Variants in DPP6 observed in about 807,000 individuals in gnomAD.
DPP6 encodes the protein dipeptidyl peptidase like 6.
A neutral mutation model predicts 122.6 loss-of-function variants in DPP6; 69 were observed. The ratio of observed to expected loss-of-function variants is 0.56; its 90% CI spans 0.46 to 0.69. The LOEUF (loss-of-function observed/expected upper bound fraction) is 0.69. DPP6 is among the 30% of genes least tolerant of loss of function. The pLI is 0.00. For missense variants in DPP6, 928 were observed against 1,116.9 expected, an observed-to-expected ratio of 0.83 and a Z score of 2.41; for synonymous variants, 418 against 433.1, an observed-to-expected ratio of 0.97 and a Z score of 0.43.
intron 1 of DPP6, among the ~76,000 whole-genome samples, chr7:153,953,771 C>T (rs1285683871): frequency 2.6e-5 from 4 of 151,958 alleles, no homozygotes; most frequent in Admixed American, 6.5e-5. Flanking sequence ...TGCACGTAGA[C>T]ACACACATAC....
At chr7:154,872,599 C>T (rs775886609) in intron 18 of DPP6, 25 bp from the exon 19 acceptor site, 7 of 1,582,878 alleles carry the variant, frequency 4.4e-6, no homozygotes, top group African/African-American at 1.3e-5. Flanking sequence ...CCCCCTAACC[C>T]GTGCTGTGCT....
chr7:153,931,345 A>G (rs916751000), intron 1 of DPP6, among the ~76,000 whole-genome samples: 5 of 152,198 alleles, frequency 3.3e-5, no homozygotes, highest in Admixed American at 2.6e-4. Flanking sequence ...AAAAAAGGAT[A>G]ACATTCATCA....
intron 6 of DPP6, among the ~76,000 whole-genome samples, chr7:154,668,220 A>ATATATATATATATATATATATATATAT (rs59348250): frequency 0.016 from 407 of 24,882 alleles, 35 homozygotes; most frequent in Non-Finnish European, 0.037. Context: ...TATATATATA[A>ATATATATATATATATATATATATATAT]TATACACATT....
At chr7:154,809,448 C>T (rs4960552) in intron 16 of DPP6, among the ~76,000 whole-genome samples, 123,641 of 152,050 alleles carry the variant, frequency 0.81, 50,364 homozygotes, top group Non-Finnish European at 0.85. Context: ...CAGCCATGAG[C>T]GGGTTTCATC....
intron 1 of DPP6, among the ~76,000 whole-genome samples, chr7:154,281,285 T>C (rs1804495992): frequency 6.6e-6 from 1 of 152,096 alleles, no homozygotes; most frequent in South Asian, 2.1e-4. Flanking sequence ...AATGCCAGGA[T>C]TACAGGCATA....
chr7:154,494,008 GTGGAAAGCTCA>G (rs1182090465), intron 3 of DPP6, among the ~76,000 whole-genome samples: 1 of 152,184 alleles, frequency 6.6e-6, no homozygotes, highest in Admixed American at 6.5e-5. Context: ...TAGATGGAAA[GTGGAAAGCTCA>G]TGGAAACTAG....
At chr7:154,860,954 CA>C (rs1803336445) in intron 17 of DPP6, among the ~76,000 whole-genome samples, 1 of 147,602 alleles carries the variant, frequency 6.8e-6, no homozygotes, top group South Asian at 2.1e-4. Context: ...GGGGCAGAAC[CA>C]AAAAGACTAA....
chr7:153,785,779 A>T, the DPP6 span, among the ~76,000 whole-genome samples: 1 of 152,188 alleles, frequency 6.6e-6, no homozygotes, highest in African/African-American at 2.4e-5. Flanking sequence ...CAGCCTCCCT[A>T]GTACCTGGGA....
chr7:153,782,470 G>A, the DPP6 span, among the ~76,000 whole-genome samples: 1 of 152,184 alleles, frequency 6.6e-6, no homozygotes, highest in African/African-American at 2.4e-5. Context: ...CAGCGGCCTT[G>A]AACAAAACAT....
chr7:154,863,659 A>T lies in DPP6; in HGVS notation c.1715-4336A>T. 6.6e-6 allele frequency among the ~76,000 whole-genome samples: 1 copy of T among 152,066 alleles called. No homozygotes were observed. Among genetic ancestry groups the T allele is most frequent in the East Asian group, 1.9e-4 (1 of 5,154 alleles). ...ATGAGACCCTACCTCTGCAAAAATT[A>T]CAAAATTTAGCCGGGCATGGTGGTG... On this transcript the variant is annotated intron_variant, in intron 17 of 25. Transcript: ENST00000377770. The surrounding 1 kb of genome is among the most constrained non-coding windows in gnomAD (Gnocchi z 4.1).
chr7:154,638,765 G>A (rs138029393), intron 6 of DPP6, among the ~76,000 whole-genome samples: 152 of 152,240 alleles, frequency 1.0e-3, no homozygotes, highest in African/African-American at 3.2e-3. Context: ...AAAGTCTGTC[G>A]AGGAGAATTT....
intron 1 of DPP6, among the ~76,000 whole-genome samples, chr7:154,031,465 A>C (rs933418068): frequency 6.6e-6 from 1 of 151,978 alleles, no homozygotes; most frequent in African/African-American, 2.4e-5. Context: ...CAAAATACAC[A>C]GTAGTTTTGG....
At chr7:154,262,997 GA>G (rs746317438) in intron 1 of DPP6, among the ~76,000 whole-genome samples, 54 of 152,198 alleles carry the variant, frequency 3.5e-4, no homozygotes, top group Non-Finnish European at 6.8e-4. Context: ...CAATGAAAAG[GA>G]AATATAGCTA....
At chr7:154,062,646 G>T (rs1253083742) in intron 1 of DPP6, among the ~76,000 whole-genome samples, 1 of 53,550 alleles carries the variant, frequency 1.9e-5, no homozygotes, top group Admixed American at 1.7e-4. Context: ...CCCCATCGCA[G>T]GAGGGGGAGG....
At chr7:154,134,587 G>A (rs1795448193) in intron 1 of DPP6, among the ~76,000 whole-genome samples, 1 of 152,196 alleles carries the variant, frequency 6.6e-6, no homozygotes, top group South Asian at 2.1e-4. Context: ...CAAATGGTGT[G>A]TGGATCTAAT....
intron 1 of DPP6, among the ~76,000 whole-genome samples, chr7:153,907,607 C>T (rs1396712371): frequency 6.6e-6 from 1 of 152,132 alleles, no homozygotes; most frequent in Non-Finnish European, 1.5e-5. Flanking sequence ...TTGAGTAAAG[C>T]AGATTGCCTT....
intron 1 of DPP6, among the ~76,000 whole-genome samples, chr7:154,258,084 G>A (rs967248232): frequency 4.4e-4 from 66 of 149,402 alleles, no homozygotes; most frequent in African/African-American, 1.5e-3. Flanking sequence ...GGGGCAACAC[G>A]TGGAACTTAA....
chr7:154,072,857 C>G (rs1279943227), intron 1 of DPP6, among the ~76,000 whole-genome samples: 1 of 152,278 alleles, frequency 6.6e-6, no homozygotes, highest in African/African-American at 2.4e-5. Context: ...CAGGCCCTCA[C>G]TTAATGTGGT....
intron 16 of DPP6, among the ~76,000 whole-genome samples, chr7:154,831,339 C>A (rs75689255): frequency 0.044 from 6,762 of 152,230 alleles, 214 homozygotes; most frequent in Non-Finnish European, 0.065. Flanking sequence ...GTGGTAGAGA[C>A]CCTCCCTACT....
Sources: gnomAD v4.1 joint callset for allele counts (sites outside exome capture counted in the v4.1 genomes callset) on GRCh38, gnomAD v4.1.1 for gene constraint, Gnocchi (gnomAD v3.1) non-coding constraint, MANE v1.5 for transcripts, NCBI Gene and HGNC (gene_info 2026-07-23, HGNC 2026-07-21) for gene names.